GBP2: variants seen among roughly 807,000 people sequenced by gnomAD.
GBP2 encodes the protein guanylate-binding protein 2.
A neutral mutation model predicts 60.8 loss-of-function variants in GBP2; 54 were observed. That is an observed-to-expected ratio of 0.89 (90% confidence interval 0.71 to 1.11). The LOEUF (loss-of-function observed/expected upper bound fraction) is 1.11, where lower values mean the gene tolerates loss of function less well. GBP2 is among the 50% of genes most tolerant of loss of function. The pLI is 0.00. For synonymous variants in GBP2, 243 were observed against 256.5 expected (o/e 0.95, Z 0.50); for missense variants, 665 against 703.3 (o/e 0.95, Z 0.62).
Position 89,121,188 on chromosome 1 carries a change from G to A in GBP2, c.273C>T (p.His91=). 3.7e-6 allele frequency: 6 copies of A among 1,612,970 alleles called. No individual in the cohort carries two copies. The highest frequency in any genetic ancestry group is 4.2e-6 in the Non-Finnish European group (5 of 1,179,306). Residue 91 remains histidine (H), a synonymous_variant, in exon 3 of 11, where the codon CAC becomes CAT. Coordinates refer to ENST00000370466, the MANE Select transcript of GBP2 (RefSeq NM_004120.5). ...WCVPHPKKPE[H]TLVLLDTEGL... Reference sequence around the variant, plus strand: ...CCTCAGTGTCGAGCAGAACTAGGGTGTGTTCTGGCTTCTTGGGATGAGGCA... The same window carrying A: ...CCTCAGTGTCGAGCAGAACTAGGGTATGTTCTGGCTTCTTGGGATGAGGCA...
At chr1:89,119,911 A>G (rs1681360514) in intron 4 of GBP2, 1 of 383,800 alleles carries the variant, frequency 2.6e-6, no homozygotes, top group Non-Finnish European at 4.8e-6. Context: ...TCTAGAGGAC[A>G]TTGAAGGTTT....
intron 1 of GBP2, 33 bp from the exon 2 acceptor site, chr1:89,122,016 C>A: frequency 6.6e-7 from 1 of 1,516,212 alleles, no homozygotes; most frequent in Non-Finnish European, 8.9e-7. Context: ...AAATGGAAAG[C>A]AGTTTTTAGG....
intron 1 of GBP2, among the ~76,000 whole-genome samples, chr1:89,122,381 T>G (rs1681419689): frequency 6.6e-6 from 1 of 152,194 alleles, no homozygotes; most frequent in South Asian, 2.1e-4. Context: ...CCTCATTGCA[T>G]TTAGTCATTA....
chr1:89,121,167 A>C lies in GBP2; in HGVS notation c.294T>G (p.Thr98=). The change falls in exon 3 of 11, where the codon ACT becomes ACG. Residue 98 remains threonine (T), a synonymous_variant. Coordinates refer to ENST00000370466, the MANE Select transcript of GBP2 (RefSeq NM_004120.5). ...KPEHTLVLLD[T]EGLGDIEKGD... Reference sequence around the variant, plus strand: ...CCTTCTCTATATCTCCCAGGCCCTCAGTGTCGAGCAGAACTAGGGTGTGTT... The same window carrying C: ...CCTTCTCTATATCTCCCAGGCCCTCCGTGTCGAGCAGAACTAGGGTGTGTT... 2.5e-6 allele frequency: 4 copies of C among 1,612,678 alleles called. No homozygotes were observed. Among genetic ancestry groups the C allele is most frequent in the Non-Finnish European group, 3.4e-6 (4 of 1,179,214 alleles).
rs775509201 is a variant in GBP2, at chr1:89,112,665, C to T, written c.1169G>A (p.Arg390Gln). The T allele has an allele frequency of 1.5e-5, 24 of 1,613,992 alleles. No individual in the cohort carries two copies. The East Asian group carries it at 3.1e-4, about 21-fold the overall frequency. The part of the protein sequence containing the change: ...RKLGAQLEAR[R>Q]DDFCKQNSKA... ...GGAATTCTGCTTACAAAAGTCATCTCGCCTTGCTTCCAACTGGGCCTGTGA... is the reference window on the plus strand; with the variant it reads ...GGAATTCTGCTTACAAAAGTCATCTTGCCTTGCTTCCAACTGGGCCTGTGA... Residue 390 changes from arginine to glutamine, a missense_variant, in exon 8 of 11, where the codon CGA (arginine) becomes CAA (glutamine). Physicochemically the swap from Arg to Gln is conservative, Grantham distance 43. Transcript: ENST00000370466.
chr1:89,117,434 G>A, intron 5 of GBP2, 143 bp downstream of exon 5: 2 of 905,936 alleles, frequency 2.2e-6, no homozygotes, highest in Non-Finnish European at 3.4e-6. Flanking sequence ...AACTGATATA[G>A]TCAAGCAATG....
rs1681052187 is a variant in GBP2, at chr1:89,106,315, A to G, written c.*1860T>C. 1 of 152,258 alleles carries G rather than the reference A, an allele frequency of 6.6e-6. No individual in the cohort carries two copies. Among genetic ancestry groups the G allele is most frequent in the East Asian group, 1.9e-4 (1 of 5,204 alleles). The allele number at this position is 152,258 out of a possible 1,614,324, so 9.4% of individuals were successfully genotyped here. A position where few individuals can be genotyped will look rare whatever the true frequency, so the allele number is the denominator to read the frequency against. On this transcript the variant is annotated 3_prime_UTR_variant, in exon 11 of 11. Coordinates refer to ENST00000370466, the MANE Select transcript of GBP2 (RefSeq NM_004120.5). The stretch of plus-strand genomic sequence containing the variant: ...TACTAACTGTTTGAAAGGTAAGAGC[A>G]ATAACTAAACTGAGGCATAAACAAG...
intron 8 of GBP2, among the ~76,000 whole-genome samples, chr1:89,111,078 A>T (rs1239756288): frequency 6.6e-6 from 1 of 152,212 alleles, no homozygotes; most frequent in Non-Finnish European, 1.5e-5. Context: ...ATTCAAGCTG[A>T]AAAAACATTT....
intron 1 of GBP2, among the ~76,000 whole-genome samples, chr1:89,122,690 C>T (rs867334023): frequency 6.6e-6 from 1 of 152,162 alleles, no homozygotes; most frequent in Non-Finnish European, 1.5e-5. Context: ...CCAGGTTTCT[C>T]TACCACAAAG....
Position 89,114,105 on chromosome 1 carries a change from G to A in GBP2, c.1060C>T (p.Leu354=). 1 of 1,614,178 alleles carries A rather than the reference G, an allele frequency of 6.2e-7. No homozygotes were observed. Among genetic ancestry groups the A allele is most frequent in the East Asian group, 2.2e-5 (1 of 44,874 alleles). ...PTETLQELLD[L]HRDSEREAIE... Reference sequence around the variant, plus strand: ...GCCTCTCTCTCACTGTCCCTGTGCAGGTCCAGCAGCTCCTGGAGGGTTTCC... The same window carrying A: ...GCCTCTCTCTCACTGTCCCTGTGCAAGTCCAGCAGCTCCTGGAGGGTTTCC... Residue 354 remains leucine, a synonymous_variant, in exon 7 of 11, where the codon CTG becomes TTG. Coordinates refer to ENST00000370466, the MANE Select transcript of GBP2 (RefSeq NM_004120.5).
intron 3 of GBP2, 76 bp from the exon 4 acceptor site, chr1:89,120,364 C>T: frequency 8.5e-7 from 1 of 1,179,656 alleles, no homozygotes; most frequent in Non-Finnish European, 1.3e-6. Context: ...TGAAGACTGA[C>T]TGAACTCCAA....
In GBP2 at chr1:89,117,684, A is replaced by G; in HGVS notation, c.518T>C (p.Phe173Ser). The G allele has an allele frequency of 6.2e-7, 1 of 1,614,130 alleles. No homozygotes were observed. Among genetic ancestry groups the G allele is most frequent in the Non-Finnish European group, 8.5e-7 (1 of 1,179,984 alleles). ...VDDSADFVSF[F>S]PAFVWTLRDF... Reference sequence around the variant, plus strand: ...TCTGAGAGTCCACACAAATGCTGGAAAAAAGCTCACAAAGTCAGCTGAGTC... The same window carrying G: ...TCTGAGAGTCCACACAAATGCTGGAGAAAAGCTCACAAAGTCAGCTGAGTC... The change falls in exon 5 of 11, where the codon TTT becomes TCT. Residue 173 changes from phenylalanine to serine, a missense_variant. Coordinates refer to ENST00000370466, the MANE Select transcript of GBP2 (RefSeq NM_004120.5).
In GBP2 at chr1:89,117,227, A is replaced by G. The variant is rs1194615301; in HGVS notation, c.633T>C (p.Asp211=). ...ELSLKLRKGT[D]KKSKSFNDPR... is the part of the protein sequence containing the mutation. ...GATCATTAAAGCTTTTACTTTTCTT[A>G]TCAGTACCTACAGGAATGAAAATTA... Residue 211 remains aspartate, a synonymous_variant, in exon 6 of 11, where the codon GAT becomes GAC. Coordinates refer to ENST00000370466, the MANE Select transcript of GBP2 (RefSeq NM_004120.5). 8.7e-6 allele frequency: 14 copies of G among 1,612,670 alleles called. No individual in the cohort carries two copies. The highest frequency in any genetic ancestry group is 1.7e-4 in the Middle Eastern group (1 of 6,058).
chr1:89,124,780 T>C (rs1681485941), intron 1 of GBP2, among the ~76,000 whole-genome samples: 1 of 152,252 alleles, frequency 6.6e-6, no homozygotes, highest in African/African-American at 2.4e-5. Context: ...ATCTCAAATC[T>C]GACATGTAGA....
chr1:89,107,501 G>A lies in GBP2; in HGVS notation c.*674C>T, dbSNP rs1338894379. ...GAGGGTTTACATGGACAGAGAAGGT[G>A]GAGCCTCTACTCATAAATGCATTCT... On this transcript the variant is annotated 3_prime_UTR_variant, in exon 11 of 11. Coordinates refer to ENST00000370466, the MANE Select transcript of GBP2 (RefSeq NM_004120.5). Among the ~76,000 whole-genome samples, 1 of 152,188 alleles carries A rather than the reference G, an allele frequency of 6.6e-6. No homozygotes were observed. The highest frequency in any genetic ancestry group is 1.5e-5 in the Non-Finnish European group (1 of 68,026).
chr1:89,114,382 A>T (rs1681226679), intron 6 of GBP2, 86 bp from the exon 7 acceptor site: 2 of 1,410,322 alleles, frequency 1.4e-6, no homozygotes. Flanking sequence ...TGTCACAAAT[A>T]ATACTTTTAA....
chr1:89,121,221 C>T lies in GBP2; in HGVS notation c.240G>A (p.Met80Ile), dbSNP rs1681390455. The change falls in exon 3 of 11, where the codon ATG becomes ATA. Residue 80 changes from methionine (M) to isoleucine (I), a missense_variant. Coordinates refer to ENST00000370466, the MANE Select transcript of GBP2 (RefSeq NM_004120.5). Reference protein sequence around the residue: ...TVKSHTKGIWMWCVPHPKKPE... With the variant: ...TVKSHTKGIWIWCVPHPKKPE... ...GCTTCTTGGGATGAGGCACACACCA[C>T]ATCCAGATTCCCTTGGTGTGAGACT... The T allele has an allele frequency of 2.5e-6, 4 of 1,612,192 alleles. 1 individual carries two copies. In the South Asian group the frequency reaches 4.4e-5, roughly 18 times the overall value.
chr1:89,118,920 G>A (rs923890317), intron 4 of GBP2: 1 of 152,160 alleles, frequency 6.6e-6, no homozygotes, highest in Non-Finnish European at 1.5e-5. Flanking sequence ...GGCTCAAGAT[G>A]TCTCTTACAC....
chr1:89,109,606 G>T (rs1043912453), intron 10 of GBP2, 71 bp downstream of exon 10: 20 of 1,427,946 alleles, frequency 1.4e-5, no homozygotes, highest in Non-Finnish European at 1.8e-5. Context: ...GAGGCATTAG[G>T]TTCTCAACCT....
Sources: allele counts gnomAD v4.1 joint callset (sites outside exome capture counted in the v4.1 genomes callset), GRCh38; gene constraint gnomAD v4.1.1; transcripts MANE v1.5; gene names NCBI Gene and HGNC (gene_info 2026-07-23, HGNC 2026-07-21).